The following SYNE3 variants were observed in gnomAD, a reference collection of about 807,000 sequenced individuals.
The protein encoded by SYNE3 is nesprin-3.
In SYNE3, 100 loss-of-function variants were observed where a neutral mutation model predicts 111.2. The observed-to-expected ratio is 0.90, with a 90% CI of 0.77 to 1.06. The LOEUF is 1.06. Ranked by LOEUF, SYNE3 falls within the 50% of genes least tolerant of loss-of-function variation. The probability of loss-of-function intolerance (pLI) is 0.00; values close to 1 mark genes in which losing one functional copy is unlikely to be tolerated. For synonymous variants in SYNE3, 547 were observed against 533.9 expected, an observed-to-expected ratio of 1.02 and a Z score of -0.34; for missense variants, 1,160 against 1,240.3, an observed-to-expected ratio of 0.94 and a Z score of 0.97.
At chr14:95,498,840 G>A (rs188921116) in intron 1 of SYNE3, among the ~76,000 whole-genome samples, 107 of 152,258 alleles carry the variant, frequency 7.0e-4, no homozygotes, top group Admixed American at 1.8e-3. Context: ...GGCTGGATCC[G>A]GCTGGCCCTG....
In SYNE3 at chr14:95,445,909, C is replaced by T; in HGVS notation, c.1632G>A (p.Gln544=). The part of the protein sequence containing the change: ...NSLLQRKSKL[Q]SLLAQHKDFG... Reference sequence around the variant, plus strand: ...CGAGCAGATGCCTGGTGCTGCACACCTGCAGTTTGCTTTTCCTCTGCAGGA... The same window carrying T: ...CGAGCAGATGCCTGGTGCTGCACACTTGCAGTTTGCTTTTCCTCTGCAGGA... The change falls in exon 9 of 18, where the codon CAG becomes CAA. Residue 544 remains glutamine, a splice_region_variant and synonymous_variant. Coordinates refer to ENST00000682763, the MANE Select transcript of SYNE3 (RefSeq NM_152592.6). The T allele has an allele frequency of 6.2e-7, 1 of 1,613,616 alleles. No individual in the cohort carries two copies. Among genetic ancestry groups the T allele is most frequent in the Non-Finnish European group, 8.5e-7 (1 of 1,179,840 alleles).
At chr14:95,426,217 G>A (rs1885420342) in intron 17 of SYNE3, among the ~76,000 whole-genome samples, 1 of 152,130 alleles carries the variant, frequency 6.6e-6, no homozygotes, top group Non-Finnish European at 1.5e-5. Context: ...TTGCTTCTGG[G>A]CTCTGTAGAC....
intron 1 of SYNE3, among the ~76,000 whole-genome samples, chr14:95,487,315 T>C (rs948461341): frequency 3.3e-5 from 5 of 152,226 alleles, no homozygotes; most frequent in African/African-American, 1.2e-4. Flanking sequence ...TCTTACACCT[T>C]GGAGGTAGGT....
chr14:95,494,575 T>G (rs1332523096), intron 1 of SYNE3, among the ~76,000 whole-genome samples: 1 of 152,132 alleles, frequency 6.6e-6, no homozygotes, highest in East Asian at 1.9e-4. Context: ...CAAAGGGTTG[T>G]GTGGGTTTTA....
chr14:95,460,863 C>T (rs1008150961), intron 4 of SYNE3, among the ~76,000 whole-genome samples: 14 of 152,224 alleles, frequency 9.2e-5, no homozygotes, highest in South Asian at 2.1e-4. Flanking sequence ...TAGATGCAGC[C>T]GGGAGTGAAC....
chr14:95,491,580 T>C (rs1889850657), intron 1 of SYNE3, among the ~76,000 whole-genome samples: 1 of 151,782 alleles, frequency 6.6e-6, no homozygotes, highest in African/African-American at 2.4e-5. Flanking sequence ...TAACTCCAAA[T>C]AGATCAAAGA....
Position 95,410,900 on chromosome 14 carries a change from A to T in SYNE3, c.*6926T>A, listed in dbSNP as rs1903417468. ...CAATAGGTGGGGGGAGGTGGTAAGG[A>T]ACTGGACCAATGTCACACAGCCCAT... On this transcript the variant is annotated 3_prime_UTR_variant, in exon 18 of 18. Coordinates refer to ENST00000682763, the MANE Select transcript of SYNE3 (RefSeq NM_152592.6). The T allele has an allele frequency of 6.6e-6, 1 of 152,402 alleles. No individual in the cohort carries two copies. The highest frequency in any genetic ancestry group is 2.4e-5 in the African/African-American group (1 of 41,436). 9.4% of individuals were successfully genotyped at this position (152,402 alleles called of 1,614,324 possible).
chr14:95,466,880 AG>A (rs1888217091), intron 3 of SYNE3, among the ~76,000 whole-genome samples: 1 of 152,148 alleles, frequency 6.6e-6, no homozygotes, highest in South Asian at 2.1e-4. Flanking sequence ...GGGGTGAAGG[AG>A]GAGCTCCTGC....
At chr14:95,489,308 G>A (rs1476838483) in intron 1 of SYNE3, among the ~76,000 whole-genome samples, 1 of 152,208 alleles carries the variant, frequency 6.6e-6, no homozygotes. Flanking sequence ...AGATTCCTGT[G>A]TAGGGCCTGG....
intron 7 of SYNE3, 85 bp downstream of exon 7, chr14:95,452,162 G>A: frequency 2.7e-6 from 4 of 1,456,532 alleles, no homozygotes; most frequent in Non-Finnish European, 3.7e-6. Context: ...TATGTTGTAG[G>A]AGAAAGCAAG....
intron 2 of SYNE3, among the ~76,000 whole-genome samples, chr14:95,471,825 G>T (rs557082698): frequency 2.6e-5 from 4 of 152,356 alleles, no homozygotes; most frequent in South Asian, 2.1e-4. Flanking sequence ...TGAGGGCAAG[G>T]GGAAGGTGGG....
intron 14 of SYNE3, 26 bp from the exon 15 acceptor site, chr14:95,437,007 G>T (rs748132626): frequency 5.0e-6 from 8 of 1,613,738 alleles, no homozygotes; most frequent in Non-Finnish European, 6.8e-6. Flanking sequence ...CGGCCAAAGC[G>T]TCAGAGGTGA....
Position 95,466,094 on chromosome 14 carries a change from T to A in SYNE3, c.464A>T (p.His155Leu). 6.2e-7 allele frequency: 1 copy of A among 1,613,126 alleles called. No homozygotes were observed. Among genetic ancestry groups the A allele is most frequent in the Non-Finnish European group, 8.5e-7 (1 of 1,179,184 alleles). ...CACGTTGTGCAGCAGCACCTGGGCG[T>A]GGCTCAGCTGCCACTGCTTCTCCTT... ...GLKEKQWQLS[H>L]AQVLLHNVDN... is the part of the protein sequence containing the mutation. The change falls in exon 4 of 18, where the codon CAC becomes CTC. Residue 155 changes from histidine (H) to leucine (L), a missense_variant. His to Leu is a moderately conservative substitution (Grantham distance 99). Transcript: ENST00000682763.
chr14:95,455,857 C>T (rs1887404865), intron 5 of SYNE3, 133 bp from the exon 6 acceptor site: 1 of 872,102 alleles, frequency 1.1e-6, no homozygotes, highest in Non-Finnish European at 1.7e-6. Context: ...CAGAGAGGGG[C>T]CTTCCCAAGG....
Position 95,470,149 on chromosome 14 carries a change from C to T in SYNE3, c.145-2182G>A, listed in dbSNP as rs1018135945. Among the ~76,000 whole-genome samples, 5 of 152,058 alleles carry T rather than the reference C, an allele frequency of 3.3e-5. No individual in the cohort carries two copies. Among genetic ancestry groups the T allele is most frequent in the Admixed American group, 2.6e-4 (4 of 15,272 alleles). ...AGGGACCCCGAGTCCCTCTCAGCAG[C>T]GAGCAGTGATGGGGAAAACAAAAGT... On this transcript the variant is annotated intron_variant, in intron 2 of 17. Transcript: ENST00000682763. The surrounding 1 kb of genome is among the most constrained non-coding windows in gnomAD (Gnocchi z 4.2).
chr14:95,487,894 G>A (rs568705937), intron 1 of SYNE3, among the ~76,000 whole-genome samples: 1 of 145,548 alleles, frequency 6.9e-6, no homozygotes, highest in African/African-American at 2.6e-5. Context: ...CCACCCTCGA[G>A]ACAGCAAGAC....
At position 95,475,668 on chromosome 14, in the gene SYNE3, C is replaced by T. The variant is rs1427642724; in HGVS notation, c.144+10G>A. On this transcript the variant is annotated intron_variant, in intron 2 of 17. Coordinates refer to ENST00000682763, the MANE Select transcript of SYNE3 (RefSeq NM_152592.6). ...ACCACAGGGCCATCTGAGGCCACGC[C>T]TCTGCATACCTCGGTCTCCCACAGC... 5.9e-6 allele frequency: 9 copies of T among 1,533,116 alleles called. No individual in the cohort carries two copies. Among genetic ancestry groups the T allele is most frequent in the South Asian group, 1.3e-5 (1 of 77,792 alleles). 95.0% of individuals were successfully genotyped at this position (1,533,116 alleles called of 1,614,324 possible).
At chr14:95,436,237 G>C (rs1426073083) in intron 15 of SYNE3, among the ~76,000 whole-genome samples, 1 of 152,130 alleles carries the variant, frequency 6.6e-6, no homozygotes, top group African/African-American at 2.4e-5. Context: ...AGAATGCAGG[G>C]GAATTAATGT....
Position 95,417,984 on chromosome 14 carries a change from A to G in SYNE3, c.2770T>C (p.Cys924Arg), listed in dbSNP as rs748810369. 1 of 1,612,638 alleles carries G rather than the reference A, an allele frequency of 6.2e-7. No individual in the cohort carries two copies. Among genetic ancestry groups the G allele is most frequent in the Non-Finnish European group, 8.5e-7 (1 of 1,179,836 alleles). ...AGCTGCAGTGGGAGCGCCACACAGCACGCCCTCCGGAAGAGGGAGCCCAGT... is the reference window on the plus strand; with the variant it reads ...AGCTGCAGTGGGAGCGCCACACAGCGCGCCCTCCGGAAGAGGGAGCCCAGT... ...RGLGSLFRRA[C>R]CVALPLQLLL... The change falls in exon 18 of 18, where the codon TGC becomes CGC. Residue 924 changes from cysteine (C) to arginine (R), a missense_variant. By Grantham distance (180) the Cys-to-Arg change is radical. Transcript: ENST00000682763.
Sources: gnomAD v4.1 joint callset for allele counts (sites outside exome capture counted in the v4.1 genomes callset) on GRCh38, gnomAD v4.1.1 for gene constraint, Gnocchi (gnomAD v3.1) non-coding constraint, MANE v1.5 for transcripts, NCBI Gene and HGNC (gene_info 2026-07-23, HGNC 2026-07-21) for gene names.